ARHGEF7: variants seen among roughly 807,000 people sequenced by gnomAD.
The protein encoded by ARHGEF7 is PAK-interacting exchange factor beta.
In ARHGEF7, 33 loss-of-function variants were observed where a neutral mutation model predicts 109.8. That is an observed-to-expected ratio of 0.30 (90% CI 0.23 to 0.40). The LOEUF (loss-of-function observed/expected upper bound fraction) is 0.40, where lower values mean the gene tolerates loss of function less well. Among genes scored for constraint, ARHGEF7 ranks in the 10% least tolerant of loss-of-function variants. The probability of loss-of-function intolerance (pLI) is 1.00; values close to 1 mark genes in which losing one functional copy is unlikely to be tolerated. For missense variants in ARHGEF7, 938 were observed against 1,098.5 expected, an observed-to-expected ratio of 0.85 and a Z score of 2.07; for synonymous variants, 458 against 424.6, an observed-to-expected ratio of 1.08 and a Z score of -0.97.
chr13:111,238,760 G>A lies in ARHGEF7; in HGVS notation c.760-5112G>A, dbSNP rs557701048. Among the ~76,000 whole-genome samples the A allele has an allele frequency of 3.3e-5, 5 of 152,220 alleles. No individual in the cohort carries two copies. In the South Asian group the frequency reaches 8.3e-4, roughly 25 times the overall value. The stretch of plus-strand genomic sequence containing the variant: ...GGGGGGATGAGGAGCACCCCGCTCC[G>A]TCATTAGAGAATGAGGTTTCTTAAG... On this transcript the variant is annotated intron_variant, in intron 6 of 21. Transcript: ENST00000646102.
Position 111,228,603 on chromosome 13 carries a change from T to C in ARHGEF7, c.671-4602T>C, listed in dbSNP as rs1390256160. On this transcript the variant is annotated intron_variant, in intron 5 of 21. Transcript: ENST00000646102. This position sits in a 1 kb window ranked among gnomAD's most constrained non-coding sequence, Gnocchi z 4.6. ...AAAAAGTAATGGCACAATTATAACA[T>C]TTTCGAACAAAGATCGAGCGTCTTA... Among the ~76,000 whole-genome samples the C allele has an allele frequency of 6.6e-6, 1 of 152,168 alleles. No individual in the cohort carries two copies. The highest frequency in any genetic ancestry group is 1.5e-5 in the Non-Finnish European group (1 of 68,034).
intron 1 of ARHGEF7, among the ~76,000 whole-genome samples, chr13:111,130,174 C>T (rs1024928132): frequency 3.3e-5 from 5 of 152,162 alleles, no homozygotes; most frequent in Admixed American, 6.6e-5. Context: ...AATCAGTGCT[C>T]GCTTGGGGAC....
At chr13:111,221,273 C>CTATATATATCTATATAGATA (rs1320562530) in intron 5 of ARHGEF7, among the ~76,000 whole-genome samples, 1 of 44,944 alleles carries the variant, frequency 2.2e-5, no homozygotes, top group Non-Finnish European at 4.2e-5. Context: ...ATATATATGT[C>CTATATATATCTATATAGATA]TATATATATC....
chr13:111,287,475 T>C (rs1032613368), intron 17 of ARHGEF7, among the ~76,000 whole-genome samples: 1 of 152,174 alleles, frequency 6.6e-6, no homozygotes, highest in Non-Finnish European at 1.5e-5. Flanking sequence ...AAGGATACAG[T>C]GTGGCCGAAA....
At chr13:111,196,994 T>C (rs9555778) in intron 2 of ARHGEF7, among the ~76,000 whole-genome samples, 39,062 of 152,008 alleles carry the variant, frequency 0.26, 6,012 homozygotes, top group East Asian at 0.78. Context: ...CTGGGTCAAA[T>C]TGGTCCGAAT....
intron 19 of ARHGEF7, among the ~76,000 whole-genome samples, chr13:111,298,585 C>G (rs1567129013): frequency 6.6e-6 from 1 of 152,230 alleles, no homozygotes; most frequent in Non-Finnish European, 1.5e-5. Context: ...TGTAGAGATT[C>G]CTAGGGCTGA....
chr13:111,301,588 G>T, intron 21 of ARHGEF7, 56 bp downstream of exon 21: 1 of 1,423,402 alleles, frequency 7.0e-7, no homozygotes, highest in Non-Finnish European at 9.9e-7. Flanking sequence ...GAGAAAAGAA[G>T]AAAATTACAT....
At chr13:111,133,344 G>A (rs1594894894) in intron 1 of ARHGEF7, among the ~76,000 whole-genome samples, 1 of 151,964 alleles carries the variant, frequency 6.6e-6, no homozygotes, top group Admixed American at 6.6e-5. Context: ...ACATACACAT[G>A]CACACACATA....
At chr13:111,267,876 A>G (rs911904518) in intron 9 of ARHGEF7, among the ~76,000 whole-genome samples, 14 of 152,198 alleles carry the variant, frequency 9.2e-5, no homozygotes, top group South Asian at 6.2e-4. Flanking sequence ...AATCTTTTCA[A>G]TGTTTTCCCT....
At chr13:111,206,078 C>CT (rs1259270735) in intron 3 of ARHGEF7, among the ~76,000 whole-genome samples, 6 of 152,006 alleles carry the variant, frequency 3.9e-5, no homozygotes, top group South Asian at 4.2e-4. Context: ...TTTTTAGTTG[C>CT]TTTTTTGGTC....
chr13:111,156,130 T>G (rs2076311328), intron 2 of ARHGEF7, among the ~76,000 whole-genome samples: 2 of 151,866 alleles, frequency 1.3e-5, no homozygotes, highest in Admixed American at 6.6e-5. Context: ...AACTTACCGT[T>G]TTTAGTTTTC....
chr13:111,195,127 C>T (rs561690365), intron 2 of ARHGEF7, among the ~76,000 whole-genome samples: 1 of 152,274 alleles, frequency 6.6e-6, no homozygotes, highest in East Asian at 1.9e-4. Context: ...AGCTTCAGGC[C>T]TTAAGGGATA....
At chr13:111,222,745 G>A (rs377643123) in intron 5 of ARHGEF7, among the ~76,000 whole-genome samples, 2 of 152,212 alleles carry the variant, frequency 1.3e-5, no homozygotes, top group Non-Finnish European at 2.9e-5. Context: ...GAGTTTAACC[G>A]TGGGCATTTG....
chr13:111,211,802 A>G (rs1350275832), intron 4 of ARHGEF7, among the ~76,000 whole-genome samples: 2 of 152,256 alleles, frequency 1.3e-5, no homozygotes, highest in East Asian at 1.9e-4. Flanking sequence ...GAAGCTGGGC[A>G]GTGGATGCAT....
intron 2 of ARHGEF7, among the ~76,000 whole-genome samples, chr13:111,174,661 AG>A (rs2077944624): frequency 6.6e-6 from 1 of 152,190 alleles, no homozygotes; most frequent in African/African-American, 2.4e-5. Context: ...AGACATCTGG[AG>A]GGCCACTTTG....
rs146733372 is a variant in ARHGEF7 at position 111,294,452 on chromosome 13, T to C, written c.2311+2158T>C. 1.2e-4 allele frequency: 121 copies of C among 985,488 alleles called. No individual in the cohort carries two copies. The African/African-American group carries it at 2.0e-3, about 16-fold the overall frequency. 61.0% of individuals were successfully genotyped at this position (985,488 alleles called of 1,614,324 possible). On this transcript the variant is annotated intron_variant, in intron 19 of 21. Coordinates refer to ENST00000646102, the MANE Select transcript of ARHGEF7 (RefSeq NM_001354046.2). ...TGGTTATCTTACTGGGACATTTTCATTGATATTCTATACACCAAAGTTTTG... is the reference window on the plus strand; with the variant it reads ...TGGTTATCTTACTGGGACATTTTCACTGATATTCTATACACCAAAGTTTTG...
chr13:111,303,216 G>T lies in ARHGEF7; in HGVS notation c.*103G>T. 2.9e-6 allele frequency: 3 copies of T among 1,031,196 alleles called. 1 individual carries two copies. The highest frequency in any genetic ancestry group is 4.2e-6 in the Non-Finnish European group (3 of 715,110). 63.9% of individuals were successfully genotyped at this position (1,031,196 alleles called of 1,614,324 possible). On this transcript the variant is annotated 3_prime_UTR_variant, in exon 22 of 22. Transcript: ENST00000646102. Reference sequence around the variant, plus strand: ...TCAGGACCACAGGGCAGGGCTGGGTGGGGCGCCACCTTGCTCTCTGTATAT... The same window carrying T: ...TCAGGACCACAGGGCAGGGCTGGGTTGGGCGCCACCTTGCTCTCTGTATAT...
chr13:111,200,113 T>C (rs1289427674), intron 2 of ARHGEF7, among the ~76,000 whole-genome samples: 1 of 152,136 alleles, frequency 6.6e-6, no homozygotes, highest in Admixed American at 6.5e-5. Flanking sequence ...CCCTACCATC[T>C]TTCTGTGTCT....
chr13:111,205,313 CAG>C lies in ARHGEF7; in HGVS notation c.278_279del (p.Gln93ArgfsTer5), dbSNP rs770286581. 6.2e-6 allele frequency: 10 copies of C among 1,602,140 alleles called. No homozygotes were observed. The highest frequency in any genetic ancestry group is 1.4e-5 in the African/African-American group (1 of 73,966). On this transcript the variant is annotated frameshift_variant, in exon 3 of 22. Transcript: ENST00000646102. LOFTEE classifies it high-confidence loss of function. ...GACGTTTGATGCAAATGATTTGTAT[CAG>C]GGGCAGAATTTTAACAAGGTCCTCA... ...LETFDANDLYQGQNFNKVLSS... is the reference protein window; with the variant it reads ...LETFDANDLYXGQNFNKVLSS...
Sources: allele counts gnomAD v4.1 joint callset (sites outside exome capture counted in the v4.1 genomes callset), GRCh38; gene constraint gnomAD v4.1.1; non-coding constraint Gnocchi (gnomAD v3.1); transcripts MANE v1.5; gene names NCBI Gene and HGNC (gene_info 2026-07-23, HGNC 2026-07-21).